Variants in GNG12 observed in about 807,000 individuals in gnomAD.
GNG12 encodes the protein guanine nucleotide-binding protein G(I)/G(S)/G(O) subunit gamma-12.
For synonymous variants in GNG12, 28 were observed against 29.7 expected (o/e 0.94, Z 0.19); for missense variants, 69 against 83.8 (o/e 0.82, Z 0.69).
At chr1:67,820,272 C>T (rs1029511884) in intron 1 of GNG12, among the ~76,000 whole-genome samples, 102 of 151,762 alleles carry the variant, frequency 6.7e-4, no homozygotes, top group African/African-American at 2.4e-3. Context: ...GCCTATAGTC[C>T]CAGTTACTCA....
chr1:67,760,952 C>T (rs990793844), intron 2 of GNG12, among the ~76,000 whole-genome samples: 16 of 152,136 alleles, frequency 1.1e-4, no homozygotes, highest in African/African-American at 3.6e-4. Context: ...AATGGGGGTG[C>T]GATTATTATT....
chr1:67,710,012 TTATATATATAGTTATA>T (rs1646278749), intron 2 of GNG12, among the ~76,000 whole-genome samples: 1 of 37,842 alleles, frequency 2.6e-5, no homozygotes, highest in African/African-American at 9.3e-5. Flanking sequence ...ATATATATAG[TTATATATATAGTTATA>T]TATATATAGT....
intron 2 of GNG12, among the ~76,000 whole-genome samples, chr1:67,745,577 C>T (rs1359713086): frequency 6.6e-6 from 1 of 152,272 alleles, no homozygotes; most frequent in East Asian, 1.9e-4. Flanking sequence ...TTTCTTCTCT[C>T]TAAAATGGAG....
intron 2 of GNG12, among the ~76,000 whole-genome samples, chr1:67,773,695 G>C (rs1488113034): frequency 6.6e-6 from 1 of 152,142 alleles, no homozygotes; most frequent in African/African-American, 2.4e-5. Context: ...AATGACTTGA[G>C]AGTTGAGAGA....
chr1:67,766,348 G>A (rs911827625), intron 2 of GNG12, among the ~76,000 whole-genome samples: 3 of 151,942 alleles, frequency 2.0e-5, no homozygotes, highest in African/African-American at 4.8e-5. Flanking sequence ...CCTGATTTTC[G>A]CACAGTGCTA....
At chr1:67,769,827 C>T (rs1042902053) in intron 2 of GNG12, among the ~76,000 whole-genome samples, 4 of 152,138 alleles carry the variant, frequency 2.6e-5, no homozygotes, top group Non-Finnish European at 5.9e-5. Flanking sequence ...CACACTCACA[C>T]TCACACTCAC....
At position 67,704,727 on chromosome 1, in the gene GNG12, G is replaced by T. The variant is rs1389205764; in HGVS notation, c.*724C>A. On this transcript the variant is annotated 3_prime_UTR_variant, in exon 4 of 4. Coordinates refer to ENST00000370982, the MANE Select transcript of GNG12 (RefSeq NM_018841.6). ...ATATTATCGAAGGACTGTCAGTTTA[G>T]TTTGGTACAGTTTATTGTAGCCTAA... 6.6e-6 allele frequency: 1 copy of T among 152,622 alleles called. No homozygotes were observed. The highest frequency in any genetic ancestry group is 6.5e-5 in the Admixed American group (1 of 15,274). 9.5% of individuals were successfully genotyped at this position (152,622 alleles called of 1,614,324 possible). A position where few individuals can be genotyped will look rare whatever the true frequency, so the allele number is the denominator to read the frequency against.
Position 67,774,184 on chromosome 1 carries a change from C to T in GNG12, c.-27+3274G>A, listed in dbSNP as rs186850169. On this transcript the variant is annotated intron_variant, in intron 2 of 3. Coordinates refer to ENST00000370982, the MANE Select transcript of GNG12 (RefSeq NM_018841.6). The stretch of plus-strand genomic sequence containing the variant: ...TCTTCCAGCCACCGTAAGTCATCAA[C>T]GGAGCATGTTTTCCTTCTGGTACTG... Among the ~76,000 whole-genome samples, 12 of 152,272 alleles carry T rather than the reference C, an allele frequency of 7.9e-5. No homozygotes were observed. In the East Asian group the frequency reaches 1.5e-3, roughly 20 times the overall value.
intron 2 of GNG12, among the ~76,000 whole-genome samples, chr1:67,741,203 C>T (rs573191725): frequency 2.2e-4 from 34 of 152,292 alleles, no homozygotes; most frequent in South Asian, 1.5e-3. Flanking sequence ...AACTGAAAAG[C>T]ATTTTTTACA....
chr1:67,739,115 G>A (rs1262924238), intron 2 of GNG12, among the ~76,000 whole-genome samples: 1 of 152,182 alleles, frequency 6.6e-6, no homozygotes, highest in Non-Finnish European at 1.5e-5. Flanking sequence ...GGAGGCGGAG[G>A]TTGTGGTGAG....
chr1:67,737,081 TA>T (rs1646456739), intron 2 of GNG12, among the ~76,000 whole-genome samples: 1 of 152,228 alleles, frequency 6.6e-6, no homozygotes, highest in Non-Finnish European at 1.5e-5. Context: ...CGTAGGCTGC[TA>T]AGCTTCCTTA....
intron 1 of GNG12, among the ~76,000 whole-genome samples, chr1:67,799,740 A>C (rs1043647196): frequency 6.6e-6 from 1 of 152,246 alleles, no homozygotes; most frequent in Admixed American, 6.5e-5. Flanking sequence ...AAAATATAAT[A>C]GTAATAAATT....
chr1:67,726,463 G>A (rs898702387), intron 2 of GNG12, among the ~76,000 whole-genome samples: 6 of 152,214 alleles, frequency 3.9e-5, no homozygotes, highest in African/African-American at 1.4e-4. Flanking sequence ...TGGGCACAGA[G>A]TGAGAACTCA....
chr1:67,812,474 A>G (rs1646931569), intron 1 of GNG12, among the ~76,000 whole-genome samples: 1 of 152,186 alleles, frequency 6.6e-6, no homozygotes, highest in Admixed American at 6.5e-5. Flanking sequence ...ATAATGCTTC[A>G]GAATGGAAGA....
chr1:67,813,860 GTATC>G (rs1336000944), intron 1 of GNG12, among the ~76,000 whole-genome samples: 3 of 151,984 alleles, frequency 2.0e-5, no homozygotes, highest in South Asian at 2.1e-4. Flanking sequence ...CATTTATTGA[GTATC>G]TAATCTATTC....
intron 1 of GNG12, among the ~76,000 whole-genome samples, chr1:67,778,006 T>C (rs920915058): frequency 6.6e-6 from 1 of 151,790 alleles, no homozygotes; most frequent in Non-Finnish European, 1.5e-5. Flanking sequence ...GGTAGTGTTG[T>C]TCAATAGAAA....
At chr1:67,809,240 AAAAG>A (rs572945988) in intron 1 of GNG12, among the ~76,000 whole-genome samples, 36 of 152,290 alleles carry the variant, frequency 2.4e-4, no homozygotes, top group Non-Finnish European at 4.3e-4. Context: ...CCCCCACCAA[AAAAG>A]AAAGAATCTA....
At chr1:67,770,137 T>G (rs1361434106) in intron 2 of GNG12, among the ~76,000 whole-genome samples, 1 of 152,158 alleles carries the variant, frequency 6.6e-6, no homozygotes, top group African/African-American at 2.4e-5. Flanking sequence ...GCAAGGGATC[T>G]GATCATTATG....
At chr1:67,823,274 G>C (rs188550030) in intron 1 of GNG12, among the ~76,000 whole-genome samples, 1 of 152,240 alleles carries the variant, frequency 6.6e-6, no homozygotes, top group East Asian at 1.9e-4. Context: ...TGTTTGAGAG[G>C]GAGAAATTCT....
Sources: allele counts gnomAD v4.1 joint callset (sites outside exome capture counted in the v4.1 genomes callset), GRCh38; gene constraint gnomAD v4.1.1; transcripts MANE v1.5; gene names NCBI Gene and HGNC (gene_info 2026-07-23, HGNC 2026-07-21).